SPEG: variants seen among roughly 807,000 people sequenced by gnomAD.
SPEG encodes striated muscle preferentially expressed protein kinase.
A neutral mutation model predicts 300.4 loss-of-function variants in SPEG; 114 were observed. The ratio of observed to expected loss-of-function variants is 0.38; its 90% CI spans 0.33 to 0.44. The LOEUF (loss-of-function observed/expected upper bound fraction) is 0.44. Ranked by LOEUF, SPEG falls within the 20% of genes least tolerant of loss-of-function variation. SPEG has a pLI of 1.00. For synonymous variants in SPEG, 1,964 were observed against 2,018.9 expected (o/e 0.97, Z 0.73); for missense variants, 4,201 against 4,586.2 (o/e 0.92, Z 2.43).
intron 4 of SPEG, among the ~76,000 whole-genome samples, 178 bp downstream of exon 4, chr2:219,449,449 T>C (rs1268807454): frequency 6.6e-6 from 1 of 152,142 alleles, no homozygotes; most frequent in Non-Finnish European, 1.5e-5. Flanking sequence ...GAGTGAAGGA[T>C]TGTCAAAGTC....
chr2:219,471,813 C>T lies in SPEG; in HGVS notation c.3716-55C>T, dbSNP rs553376742. On this transcript the variant is annotated intron_variant, in intron 13 of 40. Coordinates refer to ENST00000312358, the MANE Select transcript of SPEG (RefSeq NM_005876.5). The stretch of plus-strand genomic sequence containing the variant: ...CCAGGCCCGGGATGGCATGGGCCTA[C>T]CCCTCAAGGTATCCTCCGGGCTCAG... The T allele has an allele frequency of 2.9e-5, 46 of 1,607,558 alleles. 1 individual carries two copies. In the South Asian group the frequency reaches 4.7e-4, roughly 16 times the overall value.
At chr2:219,469,467 G>A in intron 13 of SPEG, 88 bp downstream of exon 13, 1 of 1,113,850 alleles carries the variant, frequency 9.0e-7, no homozygotes, top group African/African-American at 1.5e-5. Flanking sequence ...CTCTCCCCAG[G>A]CCTTTCCTCT....
chr2:219,477,898 C>T lies in SPEG; in HGVS notation c.4827-7C>T, dbSNP rs753362956. On this transcript the variant is annotated splice_region_variant and splice_polypyrimidine_tract_variant and intron_variant, in intron 21 of 40. Coordinates refer to ENST00000312358, the MANE Select transcript of SPEG (RefSeq NM_005876.5). The surrounding 1 kb of genome is among the most constrained non-coding windows in gnomAD (Gnocchi z 6.4). ...CTGATCTCTGACCCCCTCCCTGTGT[C>T]AACCAGGGGTGCTTTCTCCTACTTG... is the stretch of plus-strand genomic sequence containing the variant. 2 of 1,613,228 alleles carry T rather than the reference C, an allele frequency of 1.2e-6. No homozygotes were observed. The highest frequency in any genetic ancestry group is 2.2e-5 in the South Asian group (2 of 91,044).
At position 219,448,198 on chromosome 2, in the gene SPEG, ACAC is replaced by A; in HGVS notation, c.1048_1050del (p.Thr350del). ...ACTCAGGAGCCTGTGCTGCCCGAGG[ACAC>A]CACCACCGAAGAGAAGCGAGGGAAG... On this transcript the variant is annotated inframe_deletion, in exon 4 of 41. Coordinates refer to ENST00000312358, the MANE Select transcript of SPEG (RefSeq NM_005876.5). The A allele has an allele frequency of 6.2e-7, 1 of 1,612,264 alleles. No individual in the cohort carries two copies. The highest frequency in any genetic ancestry group is 8.5e-7 in the Non-Finnish European group (1 of 1,179,582).
chr2:219,467,336 G>A lies in SPEG; in HGVS notation c.3044G>A (p.Cys1015Tyr). 4.3e-6 allele frequency: 7 copies of A among 1,612,192 alleles called. No homozygotes were observed. Among genetic ancestry groups the A allele is most frequent in the Non-Finnish European group, 5.9e-6 (7 of 1,180,006 alleles). ...GRLLQPALLK[C>Y]KMHFDGRKCK... ...CTGCTGCAGCCTGCACTGCTCAAAT[G>A]CAAGATGCATTTCGATGGCCGCAAA... is the stretch of plus-strand genomic sequence containing the variant. Residue 1015 changes from cysteine (C) to tyrosine (Y), a missense_variant, in exon 10 of 41, where the codon TGC (cysteine) becomes TAC (tyrosine). Physicochemically the swap from Cys to Tyr is radical, Grantham distance 194. Coordinates refer to ENST00000312358, the MANE Select transcript of SPEG (RefSeq NM_005876.5).
At chr2:219,488,414 G>T in intron 32 of SPEG, 84 bp from the exon 33 acceptor site, 2 of 1,501,162 alleles carry the variant, frequency 1.3e-6, no homozygotes, top group Non-Finnish European at 1.8e-6. Context: ...CGGTTAGGGG[G>T]GATGCTGGAG....
rs200153486 is a variant in SPEG, at chr2:219,444,942, C to T, written c.596C>T (p.Ala199Val). 686 of 1,590,374 alleles carry T rather than the reference C, an allele frequency of 4.3e-4. No individual in the cohort carries two copies. The highest frequency in any genetic ancestry group is 5.3e-4 in the Non-Finnish European group (621 of 1,168,990). Reference protein sequence around the residue: ...GSGQTVLEQEAGSGGGTRRLP... With the variant: ...GSGQTVLEQEVGSGGGTRRLP... Reference sequence around the variant, plus strand: ...GGGCAGACGGTCCTGGAGCAGGAAGCGGGCAGTGGGGGTGGCACCCGCCGC... The same window carrying T: ...GGGCAGACGGTCCTGGAGCAGGAAGTGGGCAGTGGGGGTGGCACCCGCCGC... Residue 199 changes from alanine (A) to valine (V), a missense_variant, in exon 3 of 41, where the codon GCG (alanine) becomes GTG (valine). Around this residue, in one of 4 missense-constraint regions of SPEG, gnomAD observed 1,258 missense variants for 1,293.9 expected, o/e 0.97. Transcript: ENST00000312358. The surrounding 1 kb of genome is among the most constrained non-coding windows in gnomAD (Gnocchi z 7.8).
At chr2:219,472,117 CT>C in intron 14 of SPEG, 109 bp from the exon 15 acceptor site, 1 of 1,519,762 alleles carries the variant, frequency 6.6e-7, no homozygotes, top group South Asian at 1.2e-5. Context: ...TGCCTTGCCC[CT>C]GCCCCTGCGG....
Position 219,489,821 on chromosome 2 carries a change from G to T in SPEG, c.8803G>T (p.Ala2935Ser), listed in dbSNP as rs1162048913. Residue 2935 changes from alanine (A) to serine (S), a missense_variant, in exon 36 of 41, where the codon GCC (alanine) becomes TCC (serine). Coordinates refer to ENST00000312358, the MANE Select transcript of SPEG (RefSeq NM_005876.5). The stretch of plus-strand genomic sequence containing the variant: ...GGTGACTGTGCAGAGCCTCAGCCCG[G>T]CCAAGGAGGTGGTCAGCTCCCCTGG... ...TKVTVQSLSP[A>S]KEVVSSPGSS... The T allele has an allele frequency of 7.4e-6, 12 of 1,613,516 alleles. No individual in the cohort carries two copies. In the East Asian group the frequency reaches 2.7e-4, roughly 36 times the overall value.
chr2:219,465,860 T>G, intron 9 of SPEG: 2 of 612,268 alleles, frequency 3.3e-6, no homozygotes, highest in Admixed American at 2.5e-5. Flanking sequence ...TGTGTGTGCA[T>G]GTGTGTGCGT....
rs1319308342 is a variant in SPEG, at chr2:219,473,572, C to G, written c.4216C>G (p.Pro1406Ala). 1.2e-6 allele frequency: 2 copies of G among 1,614,168 alleles called. No homozygotes were observed. Among genetic ancestry groups the G allele is most frequent in the Non-Finnish European group, 8.5e-7 (1 of 1,180,028 alleles). The change falls in exon 17 of 41, where the codon CCT becomes GCT. Residue 1406 changes from proline to alanine, a missense_variant. This residue lies in a region of SPEG where 1,047 missense variants were observed against 1,356.8 expected (regional missense o/e 0.77). Transcript: ENST00000312358. The surrounding 1 kb of genome is among the most constrained non-coding windows in gnomAD (Gnocchi z 4.6). Reference sequence around the variant, plus strand: ...CATCGTGTATGTGGTGGAGGGACAGCCTGCCAGCGTCACCGTCACATTCAA... The same window carrying G: ...CATCGTGTATGTGGTGGAGGGACAGGCTGCCAGCGTCACCGTCACATTCAA... ...PDIVYVVEGQ[P>A]ASVTVTFNHV...
chr2:219,488,033 C>T (rs1007583085), intron 31 of SPEG, among the ~76,000 whole-genome samples, 161 bp from the exon 32 acceptor site: 3 of 152,124 alleles, frequency 2.0e-5, no homozygotes, highest in African/African-American at 2.4e-5. Context: ...AGAAAATTAT[C>T]GAAGGCATGG....
rs1248042304 is a variant in SPEG at position 219,469,010 on chromosome 2, G to C, written c.3453G>C (p.Leu1151=). The change falls in exon 12 of 41, where the codon CTG becomes CTC. Residue 1151 remains leucine, a synonymous_variant. Coordinates refer to ENST00000312358, the MANE Select transcript of SPEG (RefSeq NM_005876.5). ...THGQAHCSAQ[L]YVEEPRTAAS... is the part of the protein sequence containing the mutation. Reference sequence around the variant, plus strand: ...GCCAGGCCCACTGCTCAGCCCAGCTGTATGTAGAAGAGCCCCGGACAGCCG... The same window carrying C: ...GCCAGGCCCACTGCTCAGCCCAGCTCTATGTAGAAGAGCCCCGGACAGCCG... The C allele has an allele frequency of 6.2e-7, 1 of 1,613,578 alleles. No homozygotes were observed. The highest frequency in any genetic ancestry group is 1.3e-5 in the African/African-American group (1 of 74,934).
In SPEG at chr2:219,488,653, G is replaced by A. The variant is rs773412903; in HGVS notation, c.8014G>A (p.Val2672Met). Residue 2672 changes from valine (V) to methionine (M), a missense_variant, in exon 33 of 41, where the codon GTG becomes ATG. Physicochemically the swap from Val to Met is conservative, Grantham distance 21 (BLOSUM62 1). This residue lies in a region of SPEG where 1,578 missense variants were observed against 1,506.0 expected (regional missense o/e 1.05). Transcript: ENST00000312358. ...GGGCAGCATCACCAGCTCCTGTACCGTGGCTGTGGCCCGTGAGCCTGGGGC... is the reference window on the plus strand; with the variant it reads ...GGGCAGCATCACCAGCTCCTGTACCATGGCTGTGGCCCGTGAGCCTGGGGC... Reference protein sequence around the residue: ...VLGSITSSCTVAVARVPGKLA... With the variant: ...VLGSITSSCTMAVARVPGKLA... The A allele has an allele frequency of 7.5e-6, 12 of 1,602,686 alleles. No individual in the cohort carries two copies. The highest frequency in any genetic ancestry group is 2.2e-5 in the South Asian group (2 of 89,934).
intron 6 of SPEG, among the ~76,000 whole-genome samples, chr2:219,454,805 A>G (rs766630583): frequency 6.6e-6 from 1 of 152,224 alleles, no homozygotes; most frequent in Non-Finnish European, 1.5e-5. Flanking sequence ...TAAAAGTAAC[A>G]TGACTGGGCT....
intron 6 of SPEG, chr2:219,460,716 G>A (rs568605361): frequency 1.0e-6 from 1 of 985,300 alleles, no homozygotes; most frequent in East Asian, 1.1e-4. Flanking sequence ...GGCTGCCTGT[G>A]GTCTCGGCAG....
In SPEG at chr2:219,484,933, G is replaced by T; in HGVS notation, c.7470G>T (p.Arg2490=). Residue 2490 remains arginine (R), a synonymous_variant, in exon 30 of 41, where the codon CGG becomes CGT. Coordinates refer to ENST00000312358, the MANE Select transcript of SPEG (RefSeq NM_005876.5). ...ASGRSTPLFG[R]LRRATSEGES... is the part of the protein sequence containing the mutation. ...GCCGCAGCACGCCGCTGTTCGGACG[G>T]CTTCGCAGGGCCACGTCCGAGGGCG... The T allele has an allele frequency of 6.5e-7, 1 of 1,529,076 alleles. No individual in the cohort carries two copies. The highest frequency in any genetic ancestry group is 1.4e-5 in the African/African-American group (1 of 72,338). 94.7% of individuals were successfully genotyped at this position (1,529,076 alleles called of 1,614,324 possible).
Position 219,468,846 on chromosome 2 carries a change from C to T in SPEG, c.3302-13C>T. The stretch of plus-strand genomic sequence containing the variant: ...CTGTGCCTGCTCTGCATTCCCACCC[C>T]TCCTTTCTGCAGGCTGCCCCATGGA... On this transcript the variant is annotated splice_polypyrimidine_tract_variant and intron_variant, in intron 11 of 40. Coordinates refer to ENST00000312358, the MANE Select transcript of SPEG (RefSeq NM_005876.5). 3.1e-6 allele frequency: 5 copies of T among 1,609,874 alleles called. No individual in the cohort carries two copies. Among genetic ancestry groups the T allele is most frequent in the Non-Finnish European group, 4.2e-6 (5 of 1,177,436 alleles).
In SPEG at chr2:219,489,424, A is replaced by C; in HGVS notation, c.8406A>C (p.Ser2802=). 6.2e-7 allele frequency: 1 copy of C among 1,608,902 alleles called. No individual in the cohort carries two copies. Among genetic ancestry groups the C allele is most frequent in the Non-Finnish European group, 8.5e-7 (1 of 1,178,524 alleles). Residue 2802 remains serine, a synonymous_variant, in exon 36 of 41, where the codon TCA becomes TCC. Transcript: ENST00000312358. ...ARARPPDSPT[S]LAPPLAPAAP... is the part of the protein sequence containing the mutation. ...CCCGGCCTCCTGACTCTCCTACCTC[A>C]CTGGCCCCACCCCTAGCTCCTGCTG... is the stretch of plus-strand genomic sequence containing the variant.
Sources: gnomAD v4.1 joint callset for allele counts (sites outside exome capture counted in the v4.1 genomes callset) on GRCh38, gnomAD v4.1.1 for gene constraint, gnomAD v4.1.1 regional missense constraint, Gnocchi (gnomAD v3.1) non-coding constraint, MANE v1.5 for transcripts, NCBI Gene and HGNC (gene_info 2026-07-23, HGNC 2026-07-21) for gene names.